RALYL: variants seen among roughly 807,000 people sequenced by gnomAD.
The protein encoded by RALYL is RALY RNA binding protein like.
In RALYL, 29 loss-of-function variants were observed where a neutral mutation model predicts 35.1. The observed-to-expected ratio is 0.83, with a 90% CI of 0.61 to 1.13. The LOEUF (loss-of-function observed/expected upper bound fraction) is 1.13. Among genes scored for constraint, RALYL ranks in the 50% most tolerant of loss-of-function variants. The pLI, the probability that RALYL is intolerant of heterozygous loss-of-function variation, is 0.00. For missense variants in RALYL, 359 were observed against 360.4 expected (o/e 1.00, Z 0.03); for synonymous variants, 120 against 127.6 (o/e 0.94, Z 0.40).
chr8:84,580,209 G>A (rs1408518412), intron 2 of RALYL, among the ~76,000 whole-genome samples: 1 of 152,148 alleles, frequency 6.6e-6, no homozygotes, highest in Non-Finnish European at 1.5e-5. Context: ...GTCAACAAAT[G>A]AAATATTAAT....
intron 2 of RALYL, among the ~76,000 whole-genome samples, chr8:84,671,445 C>T (rs1268222773): frequency 1.3e-5 from 2 of 152,208 alleles, no homozygotes; most frequent in African/African-American, 4.8e-5. Flanking sequence ...CCACATTTGC[C>T]TTCCACACTG....
At chr8:84,778,170 C>T (rs568183696) in intron 3 of RALYL, among the ~76,000 whole-genome samples, 126 of 152,234 alleles carry the variant, frequency 8.3e-4, no homozygotes, top group Admixed American at 1.9e-3. Flanking sequence ...ATTTACCTTC[C>T]TGCTCTAAAC....
At chr8:84,206,911 T>C (rs1424611760) in intron 1 of RALYL, among the ~76,000 whole-genome samples, 1 of 152,144 alleles carries the variant, frequency 6.6e-6, no homozygotes, top group Non-Finnish European at 1.5e-5. Context: ...GCCAAAGGTA[T>C]ATGAAAAATG....
intron 2 of RALYL, among the ~76,000 whole-genome samples, chr8:84,729,756 C>T (rs1165901522): frequency 2.0e-5 from 3 of 151,894 alleles, no homozygotes; most frequent in South Asian, 4.1e-4. Context: ...CTACAAACAC[C>T]TCTACGCAAA....
intron 4 of RALYL, among the ~76,000 whole-genome samples, chr8:84,834,285 G>A (rs1831500799): frequency 6.6e-6 from 1 of 152,228 alleles, no homozygotes; most frequent in Non-Finnish European, 1.5e-5. Flanking sequence ...GCTTGGAACA[G>A]CTACTACCTC....
intron 2 of RALYL, among the ~76,000 whole-genome samples, chr8:84,562,615 A>G (rs1464431601): frequency 6.6e-6 from 1 of 151,938 alleles, no homozygotes; most frequent in Non-Finnish European, 1.5e-5. Flanking sequence ...AGCAGTGACC[A>G]CTATTCACTA....
chr8:84,392,617 G>A (rs565397542), intron 1 of RALYL, among the ~76,000 whole-genome samples: 17 of 152,004 alleles, frequency 1.1e-4, no homozygotes, highest in African/African-American at 3.4e-4. Flanking sequence ...GGAGGGGCTT[G>A]ACTGTAAAGA....
At chr8:84,221,358 A>G (rs1822165447) in intron 1 of RALYL, among the ~76,000 whole-genome samples, 1 of 152,020 alleles carries the variant, frequency 6.6e-6, no homozygotes, top group Non-Finnish European at 1.5e-5. Flanking sequence ...CATTCATGGA[A>G]GAGACAAGTA....
chr8:84,456,803 A>G (rs1009976625), intron 1 of RALYL, among the ~76,000 whole-genome samples: 1 of 151,988 alleles, frequency 6.6e-6, no homozygotes, highest in Admixed American at 6.6e-5. Flanking sequence ...AATAAGTACA[A>G]TTACATCAGC....
rs112361792 is a variant in RALYL at position 84,837,328 on chromosome 8, A to G, written c.366-12652A>G. ...AATAATTGATTATTCAATTTAATAT[A>G]GAAAGCCAGTTATCGCAATTGAGAA... On this transcript the variant is annotated intron_variant, in intron 4 of 8. Transcript: ENST00000521268. 3.0e-3 allele frequency among the ~76,000 whole-genome samples: 458 copies of G among 152,350 alleles called. 1 individual carries two copies. Among genetic ancestry groups the G allele is most frequent in the African/African-American group, 0.011 (443 of 41,590 alleles).
chr8:84,325,611 C>T (rs1845654176), intron 1 of RALYL, among the ~76,000 whole-genome samples: 1 of 152,158 alleles, frequency 6.6e-6, no homozygotes, highest in Non-Finnish European at 1.5e-5. Context: ...TAAATTTGTA[C>T]CTGAATCTGG....
rs758951599 is a variant in RALYL at position 84,183,444 on chromosome 8, C to G, written c.-1004C>G. Reference sequence around the variant, plus strand: ...CGGTCCTTCCCCGCTGCCTGCAAGTCAGCCTGGCTCCGAGTCACGTGTCAG... The same window carrying G: ...CGGTCCTTCCCCGCTGCCTGCAAGTGAGCCTGGCTCCGAGTCACGTGTCAG... On this transcript the variant is annotated 5_prime_UTR_variant, in exon 1 of 9. Transcript: ENST00000521268. 6.5e-6 allele frequency: 1 copy of G among 152,898 alleles called. No individual in the cohort carries two copies. The highest frequency in any genetic ancestry group is 6.5e-5 in the Admixed American group (1 of 15,290). 9.5% of individuals were successfully genotyped at this position (152,898 alleles called of 1,614,324 possible). A position where few individuals can be genotyped will look rare whatever the true frequency, so the allele number is the denominator to read the frequency against.
chr8:84,318,171 C>T (rs1169714459), intron 1 of RALYL, among the ~76,000 whole-genome samples: 2 of 151,878 alleles, frequency 1.3e-5, no homozygotes, highest in East Asian at 1.9e-4. Flanking sequence ...AGAACTTCAG[C>T]GTGGCAACAG....
At chr8:84,610,891 TTTTG>T (rs1452061901) in intron 2 of RALYL, among the ~76,000 whole-genome samples, 2 of 151,976 alleles carry the variant, frequency 1.3e-5, no homozygotes, top group African/African-American at 4.8e-5. Context: ...TGTGTGTATA[TTTTG>T]TTTGTTTAGC....
chr8:84,660,623 A>C (rs1474604760), intron 2 of RALYL, among the ~76,000 whole-genome samples: 2 of 151,458 alleles, frequency 1.3e-5, no homozygotes, highest in Admixed American at 1.3e-4. Flanking sequence ...GATATTCTTC[A>C]ATTTTTTTTG....
At chr8:84,841,091 T>G (rs1312385229) in intron 4 of RALYL, among the ~76,000 whole-genome samples, 1 of 152,160 alleles carries the variant, frequency 6.6e-6, no homozygotes, top group African/African-American at 2.4e-5. Flanking sequence ...AACATCATAA[T>G]GACAGGATCA....
chr8:84,644,863 T>G (rs539538121), intron 2 of RALYL, among the ~76,000 whole-genome samples: 26 of 151,964 alleles, frequency 1.7e-4, no homozygotes, highest in South Asian at 4.1e-4. Flanking sequence ...GCGATTCTTG[T>G]GCCCCAGTCT....
chr8:84,433,922 C>T (rs1490425207), intron 1 of RALYL, among the ~76,000 whole-genome samples: 1 of 151,694 alleles, frequency 6.6e-6, no homozygotes, highest in Non-Finnish European at 1.5e-5. Context: ...GGCATTCATA[C>T]TGAAATTTGT....
At chr8:84,429,546 T>C (rs1034569170) in intron 1 of RALYL, among the ~76,000 whole-genome samples, 3 of 152,110 alleles carry the variant, frequency 2.0e-5, no homozygotes, top group African/African-American at 7.2e-5. Context: ...AAAACACAGA[T>C]ACAGATACAT....
Sources: allele counts gnomAD v4.1 joint callset (sites outside exome capture counted in the v4.1 genomes callset), GRCh38; gene constraint gnomAD v4.1.1; transcripts MANE v1.5; gene names NCBI Gene and HGNC (gene_info 2026-07-23, HGNC 2026-07-21).